USP36: variants seen among roughly 807,000 people sequenced by gnomAD.
USP36 encodes ubiquitin specific peptidase 36, also known as ubiquitin carboxyl-terminal hydrolase 36.
In USP36, 59 loss-of-function variants were observed where a neutral mutation model predicts 111.5. That is an observed-to-expected ratio of 0.53 (90% CI 0.43 to 0.66). The LOEUF (loss-of-function observed/expected upper bound fraction) is 0.66, where lower values mean the gene tolerates loss of function less well. Ranked by LOEUF, USP36 falls within the 30% of genes least tolerant of loss-of-function variation. USP36 has a pLI of 0.00. For missense variants in USP36, 1,488 were observed against 1,468.0 expected (o/e 1.01, Z -0.22); for synonymous variants, 628 against 581.0 (o/e 1.08, Z -1.16).
chr17:78,803,523 C>T lies in USP36; in HGVS notation c.2672G>A (p.Gly891Asp). 1 of 1,613,868 alleles carries T rather than the reference C, an allele frequency of 6.2e-7. No individual in the cohort carries two copies. Among genetic ancestry groups the T allele is most frequent in the South Asian group, 1.1e-5 (1 of 91,074 alleles). Residue 891 changes from glycine to aspartate, a missense_variant, in exon 16 of 21, where the codon GGC (glycine) becomes GAC (aspartate). Physicochemically the swap from Gly to Asp is moderately conservative, Grantham distance 94. This residue lies in a region of USP36 where 1,073 missense variants were observed against 994.1 expected (regional missense o/e 1.08). Coordinates refer to ENST00000449938, the MANE Select transcript of USP36 (RefSeq NM_001385174.1). The surrounding 1 kb of genome is among the most constrained non-coding windows in gnomAD (Gnocchi z 4.6). ...QLPAVRRQED[G>D]TQPQVNGQQV... ...CTGGCCATTCACCTGTGGCTGTGTG[C>T]CATCTTCCTGCCGTCTGACAGCGGG...
chr17:78,833,950 A>G (rs370225999), intron 4 of USP36, among the ~76,000 whole-genome samples: 1 of 152,164 alleles, frequency 6.6e-6, no homozygotes, highest in Non-Finnish European at 1.5e-5. Flanking sequence ...GTTTCTTAAA[A>G]GTTACATAGA....
intron 17 of USP36, among the ~76,000 whole-genome samples, chr17:78,800,725 C>G (rs1202684581): frequency 1.3e-5 from 2 of 152,208 alleles, no homozygotes; most frequent in African/African-American, 2.4e-5. Flanking sequence ...CTCAGGTGCA[C>G]AGGACTGCAA....
At chr17:78,789,361 A>G (rs952205344) in intron 3 of USP36, among the ~76,000 whole-genome samples, 2 of 152,032 alleles carry the variant, frequency 1.3e-5, no homozygotes, top group Non-Finnish European at 2.9e-5. Context: ...CCTCCCACCC[A>G]GAAGGAGTAG....
rs529939411 is a variant in USP36, at chr17:78,807,096, G to A, written c.1948C>T (p.His650Tyr). The change falls in exon 14 of 21, where the codon CAC becomes TAC. Residue 650 changes from histidine to tyrosine, a missense_variant. Around this residue, in one of 3 missense-constraint regions of USP36, gnomAD observed 1,073 missense variants for 994.1 expected, o/e 1.08. Transcript: ENST00000449938. Reference protein sequence around the residue: ...SQETNCSTAGHSKTPPSGADS... With the variant: ...SQETNCSTAGYSKTPPSGADS... ...GCTCCACTTGGCGGCGTTTTGGAGT[G>A]GCCAGCGGTGGAACAGTTCGTTTCC... 2.5e-6 allele frequency: 4 copies of A among 1,614,220 alleles called. No homozygotes were observed. In the South Asian group the frequency reaches 3.3e-5, roughly 13 times the overall value.
chr17:78,818,942 C>T, intron 9 of USP36, 164 bp from the exon 10 acceptor site: 1 of 637,636 alleles, frequency 1.6e-6, no homozygotes, highest in Non-Finnish European at 2.6e-6. Context: ...TTAAGCATGC[C>T]TCAAGTAAAG....
intron 4 of USP36, among the ~76,000 whole-genome samples, chr17:78,832,916 A>G (rs2068280735): frequency 6.6e-6 from 1 of 152,180 alleles, no homozygotes; most frequent in Admixed American, 6.5e-5. Context: ...TCGGAGGCAG[A>G]GGCAGGCAGA....
chr17:78,800,889 T>C (rs1002893698), intron 17 of USP36, among the ~76,000 whole-genome samples: 3 of 151,972 alleles, frequency 2.0e-5, no homozygotes, highest in Admixed American at 6.5e-5. Flanking sequence ...GCTCAAGTGA[T>C]GTCCCTTGCA....
intron 10 of USP36, among the ~76,000 whole-genome samples, chr17:78,818,013 A>C (rs1290215563): frequency 2.0e-5 from 3 of 152,194 alleles, no homozygotes; most frequent in Admixed American, 6.5e-5. Context: ...TGAGCTTGGG[A>C]GGTCAAGACT....
chr17:78,810,717 T>C (rs1354640014), intron 13 of USP36, among the ~76,000 whole-genome samples: 1 of 152,194 alleles, frequency 6.6e-6, no homozygotes, highest in African/African-American at 2.4e-5. Context: ...GAAATACAGA[T>C]GTACGTAAAT....
intron 17 of USP36, among the ~76,000 whole-genome samples, chr17:78,801,198 G>A (rs986823237): frequency 2.0e-5 from 3 of 151,890 alleles, no homozygotes; most frequent in South Asian, 2.1e-4. Flanking sequence ...GGATGGTCTC[G>A]ATCTCCTAAC....
At chr17:78,835,592 A>G in intron 3 of USP36, 91 bp from the exon 4 acceptor site, 1 of 1,221,556 alleles carries the variant, frequency 8.2e-7, no homozygotes, top group Non-Finnish European at 1.2e-6. Flanking sequence ...GCATACACTT[A>G]GCATGCAGTG....
At chr17:78,807,990 C>T (rs552481144) in intron 13 of USP36, among the ~76,000 whole-genome samples, 2 of 152,280 alleles carry the variant, frequency 1.3e-5, no homozygotes, top group African/African-American at 4.8e-5. Context: ...AGGTGTGAGC[C>T]ATAGCACCTG....
chr17:78,813,079 C>G, intron 12 of USP36, 78 bp from the exon 13 acceptor site: 1 of 1,575,156 alleles, frequency 6.3e-7, no homozygotes, highest in African/African-American at 1.4e-5. Context: ...TAAGTTAAGG[C>G]GGGGCAAAGG....
intron 8 of USP36, among the ~76,000 whole-genome samples, chr17:78,820,739 C>T (rs2094298909): frequency 6.6e-6 from 1 of 152,184 alleles, no homozygotes; most frequent in African/African-American, 2.4e-5. Flanking sequence ...CTGGGGACAG[C>T]GTTGTTCCTG....
At position 78,827,241 on chromosome 17, in the gene USP36, G is replaced by A. The variant is rs374232105; in HGVS notation, c.689+4C>T. The A allele has an allele frequency of 6.8e-6, 11 of 1,611,744 alleles. No homozygotes were observed. In the African/African-American group the frequency reaches 8.0e-5, roughly 12 times the overall value. ...CCTGGGAGGGTGGGTGGGGAAGCAC[G>A]CACTTGGCACAGCCATTCAGGCAGG... is the stretch of plus-strand genomic sequence containing the variant. On this transcript the variant is annotated splice_donor_region_variant and intron_variant, in intron 6 of 20. Transcript: ENST00000449938.
In USP36 at chr17:78,821,962, A is replaced by C; in HGVS notation, c.732T>G (p.Ile244Met). 6.2e-7 allele frequency: 1 copy of C among 1,614,130 alleles called. No homozygotes were observed. Among genetic ancestry groups the C allele is most frequent in the Non-Finnish European group, 8.5e-7 (1 of 1,180,000 alleles). ...QTQATTLVHQ[I>M]FGGYLRSRVK... ...CGCGTGATCTGAGATACCCTCCAAA[A>C]ATTTGATGGACCAAGGTAGTAGCCT... is the stretch of plus-strand genomic sequence containing the variant. The change falls in exon 7 of 21, where the codon ATT becomes ATG. Residue 244 changes from isoleucine (I) to methionine (M), a missense_variant. Coordinates refer to ENST00000449938, the MANE Select transcript of USP36 (RefSeq NM_001385174.1).
chr17:78,814,415 C>A lies in USP36; in HGVS notation c.1161G>T (p.Val387=). The change falls in exon 11 of 21, where the codon GTG becomes GTT. Residue 387 remains valine (V), a synonymous_variant. Coordinates refer to ENST00000449938, the MANE Select transcript of USP36 (RefSeq NM_001385174.1). ...TGCACTGACACAAGCCTCTCACCTT[C>A]ACGTAGCAGTAATAGTGCCCGGCAT... ...SCHAGHYYCY[V]KASNGQWYQM... 6.2e-7 allele frequency: 1 copy of A among 1,614,074 alleles called. No individual in the cohort carries two copies. Among genetic ancestry groups the A allele is most frequent in the South Asian group, 1.1e-5 (1 of 91,082 alleles).
rs758371951 is a variant in USP36, at chr17:78,807,172, G to C, written c.1872C>G (p.Thr624=). The C allele has an allele frequency of 1.9e-6, 3 of 1,614,238 alleles. No individual in the cohort carries two copies. In the Admixed American group the frequency reaches 5.0e-5, roughly 27 times the overall value. The part of the protein sequence containing the change: ...SPEHSASSDS[T]KAPQTPRSGA... Reference sequence around the variant, plus strand: ...CACTCCTGGGGGTCTGGGGGGCCTTGGTGGAGTCGCTGCTGGCCGAGTGCT... The same window carrying C: ...CACTCCTGGGGGTCTGGGGGGCCTTCGTGGAGTCGCTGCTGGCCGAGTGCT... The change falls in exon 14 of 21, where the codon ACC becomes ACG. Residue 624 remains threonine, a synonymous_variant. Transcript: ENST00000449938.
chr17:78,827,217 C>CCG (rs1599078949), intron 6 of USP36, 28 bp downstream of exon 6: 1 of 948,726 alleles, frequency 1.1e-6, no homozygotes, highest in Non-Finnish European at 1.3e-6. Context: ...GTCCAAAGCC[C>CCG]TGGGAGGGTG....
Sources: gnomAD v4.1 joint callset for allele counts (sites outside exome capture counted in the v4.1 genomes callset) on GRCh38, gnomAD v4.1.1 for gene constraint, gnomAD v4.1.1 regional missense constraint, Gnocchi (gnomAD v3.1) non-coding constraint, MANE v1.5 for transcripts, NCBI Gene and HGNC (gene_info 2026-07-23, HGNC 2026-07-21) for gene names.